The following NEBL variants were observed in gnomAD, a reference collection of about 807,000 sequenced individuals.
NEBL encodes the protein LIM and SH3 protein 2.
NEBL carries 122 observed loss-of-function variants against 140.2 expected under a neutral mutation model. The observed-to-expected ratio is 0.87, with a 90% CI of 0.75 to 1.01. The LOEUF (loss-of-function observed/expected upper bound fraction) is 1.01, where lower values mean the gene tolerates loss of function less well. NEBL is among the 50% of genes least tolerant of loss of function. The probability of loss-of-function intolerance (pLI) is 0.00; values close to 1 mark genes in which losing one functional copy is unlikely to be tolerated. For missense variants in NEBL, 1,365 were observed against 1,231.3 expected (o/e 1.11, Z -1.62); for synonymous variants, 436 against 398.9 (o/e 1.09, Z -1.11).
At chr10:21,079,896 A>G (rs963991266) in intron 2 of NEBL, among the ~76,000 whole-genome samples, 4 of 152,224 alleles carry the variant, frequency 2.6e-5, no homozygotes, top group Middle Eastern at 3.2e-3. Flanking sequence ...TTTTCATATA[A>G]TAAAAGAAAA....
In NEBL at chr10:20,834,423, T is replaced by C. The variant is rs114408160; in HGVS notation, c.1449+1090A>G. 1.1e-3 allele frequency among the ~76,000 whole-genome samples: 162 copies of C among 152,312 alleles called. 1 individual carries two copies. Among genetic ancestry groups the C allele is most frequent in the Middle Eastern group, 6.8e-3 (2 of 294 alleles). ...CCACCACTTCAAAATGGAACACTTA[T>C]TGATCAGGAAACCTATACCATCTCC... On this transcript the variant is annotated intron_variant, in intron 14 of 27. Coordinates refer to ENST00000377122, the MANE Select transcript of NEBL (RefSeq NM_006393.3).
In NEBL at chr10:21,276,662, C is replaced by T. The variant is rs371960966; in HGVS notation, n.182+16168G>A. Among the ~76,000 whole-genome samples, 6 of 152,092 alleles carry T rather than the reference C, an allele frequency of 3.9e-5. No homozygotes were observed. The South Asian group carries it at 1.2e-3, about 32-fold the overall frequency. ...GCAATATGTCAAAACCCCATCTCTA[C>T]AAAAATATACAAAAATTAGCCAGAG... On this transcript the variant is annotated intron_variant and non_coding_transcript_variant, in intron 1 of 8. Transcript: ENST00000675702.
chr10:21,169,125 T>C (rs958705900), intron 2 of NEBL, among the ~76,000 whole-genome samples: 3 of 122,258 alleles, frequency 2.5e-5, no homozygotes, highest in African/African-American at 9.0e-5. Context: ...TATAATTAGA[T>C]CAAAATATGA....
intron 2 of NEBL, among the ~76,000 whole-genome samples, chr10:20,890,508 C>T (rs1225840656): frequency 6.6e-6 from 1 of 152,138 alleles, no homozygotes; most frequent in East Asian, 1.9e-4. Flanking sequence ...TAATTCCTCC[C>T]AATTTATGAG....
chr10:21,150,993 C>T (rs56167606), intron 2 of NEBL, among the ~76,000 whole-genome samples: 2,271 of 152,238 alleles, frequency 0.015, 51 homozygotes, highest in African/African-American at 0.051. Context: ...GACCACCACT[C>T]AGAAATATAC....
In NEBL at chr10:21,291,370, G is replaced by A. The variant is rs544533273; in HGVS notation, n.182+1460C>T. ...AAAATACAAAAATTAGCCAGGCGTG[G>A]TGGTGCATGGCTGTAATCCCAGCTA... On this transcript the variant is annotated intron_variant and non_coding_transcript_variant, in intron 1 of 8. Coordinates refer to the NEBL transcript ENST00000675702. Among the ~76,000 whole-genome samples the A allele has an allele frequency of 2.6e-5, 4 of 151,872 alleles. No individual in the cohort carries two copies. In the East Asian group the frequency reaches 7.8e-4, roughly 30 times the overall value.
intron 3 of NEBL, among the ~76,000 whole-genome samples, chr10:21,188,248 C>A (rs1841509388): frequency 6.6e-6 from 1 of 152,154 alleles, no homozygotes; most frequent in Admixed American, 6.6e-5. Context: ...GGAGTAGCAA[C>A]TTTCAAGCTC....
Position 20,952,920 on chromosome 10 carries a change from A to AAAAG in NEBL, c.357+8751_357+8752insCTTT, listed in dbSNP as rs1554811807. Reference sequence around the variant, plus strand: ...ACCCTGTCTCAAAAAAAAAAAAAAAAAAAAAGAAAAAGAAAAAAGAAAAGA... The same window carrying AAAAG: ...ACCCTGTCTCAAAAAAAAAAAAAAAAAAAGAAAAAGAAAAAGAAAAAAGAAAAGA... On this transcript the variant is annotated intron_variant, in intron 4 of 6. Coordinates refer to the NEBL transcript ENST00000417816. 1.7e-4 allele frequency among the ~76,000 whole-genome samples: 26 copies of AAAAG among 149,998 alleles called. 1 individual carries two copies. In the East Asian group the frequency reaches 3.5e-3, roughly 20 times the overall value.
intron 13 of NEBL, among the ~76,000 whole-genome samples, chr10:20,836,589 C>G (rs1398109121): frequency 6.6e-6 from 1 of 152,112 alleles, no homozygotes; most frequent in African/African-American, 2.4e-5. Context: ...AAAACTCCAA[C>G]TGGCCTGTGC....
At chr10:20,999,161 G>A (rs11012471) in intron 3 of NEBL, among the ~76,000 whole-genome samples, 17,072 of 147,274 alleles carry the variant, frequency 0.12, 2,202 homozygotes, top group East Asian at 0.43. Flanking sequence ...GTGTGTGGGG[G>A]GAAAAAAAAA....
At chr10:20,887,918 G>A (rs1169103709) in intron 4 of NEBL, among the ~76,000 whole-genome samples, 179 bp downstream of exon 4, 3 of 152,144 alleles carry the variant, frequency 2.0e-5, no homozygotes, top group Non-Finnish European at 4.4e-5. Context: ...AAACCTGCGT[G>A]TCCTTTTCAT....
intron 3 of NEBL, among the ~76,000 whole-genome samples, chr10:21,000,404 C>G (rs1015138656): frequency 1.3e-5 from 2 of 152,030 alleles, no homozygotes; most frequent in Non-Finnish European, 2.9e-5. Flanking sequence ...TCTGGTCCCC[C>G]CATTAGTCCC....
intron 16 of NEBL, among the ~76,000 whole-genome samples, chr10:20,829,078 C>G: frequency 6.6e-6 from 1 of 152,072 alleles, no homozygotes; most frequent in East Asian, 1.9e-4. Flanking sequence ...ATCAACCTGA[C>G]AAGCAGATAC....
At chr10:21,024,092 G>T (rs1838923559) in intron 2 of NEBL, among the ~76,000 whole-genome samples, 1 of 150,768 alleles carries the variant, frequency 6.6e-6, no homozygotes, top group South Asian at 2.1e-4. Context: ...ACATTGAAAA[G>T]CTTCTACTGT....
At chr10:21,248,023 A>C (rs1338207494) in intron 2 of NEBL, 1 of 232,210 alleles carries the variant, frequency 4.3e-6, no homozygotes, top group Non-Finnish European at 9.8e-6. Context: ...AAAAAAAAAA[A>C]AAACCATCCC....
intron 7 of NEBL, among the ~76,000 whole-genome samples, chr10:20,863,653 G>A (rs1205481961): frequency 6.6e-6 from 1 of 152,108 alleles, no homozygotes; most frequent in Non-Finnish European, 1.5e-5. Flanking sequence ...AGAGAATATT[G>A]GTTTAACCAG....
intron 1 of NEBL, among the ~76,000 whole-genome samples, chr10:21,278,048 T>C (rs1015185822): frequency 9.9e-5 from 15 of 152,194 alleles, no homozygotes; most frequent in Non-Finnish European, 2.1e-4. Flanking sequence ...CTGCTACTAT[T>C]ACTACTAACA....
intron 3 of NEBL, among the ~76,000 whole-genome samples, chr10:21,241,184 C>A (rs752154411): frequency 5.9e-5 from 9 of 151,712 alleles, no homozygotes; most frequent in Non-Finnish European, 1.0e-4. Flanking sequence ...TGTGTTATAT[C>A]TCTCGAACAT....
intron 9 of NEBL, 55 bp downstream of exon 9, chr10:20,858,185 A>G (rs571926137): frequency 1.1e-5 from 15 of 1,373,062 alleles, no homozygotes; most frequent in Non-Finnish European, 1.5e-5. Flanking sequence ...CTGCAGACAT[A>G]TTGGCTTCTT....
Sources: gnomAD v4.1 joint callset for allele counts (sites outside exome capture counted in the v4.1 genomes callset) on GRCh38, gnomAD v4.1.1 for gene constraint, MANE v1.5 for transcripts, NCBI Gene and HGNC (gene_info 2026-07-23, HGNC 2026-07-21) for gene names.